Variants in MEF2B observed in about 807,000 individuals in gnomAD.
MEF2B encodes the protein myocyte enhancer factor 2B.
Under a neutral mutation model 32.2 loss-of-function variants are expected in MEF2B, and 15 were observed. The ratio of observed to expected loss-of-function variants is 0.47; its 90% CI spans 0.31 to 0.72. MEF2B has a LOEUF of 0.72. MEF2B is among the 30% of genes least tolerant of loss of function. MEF2B has a pLI of 0.05. For synonymous variants in MEF2B, 205 were observed against 225.6 expected (o/e 0.91, Z 0.82); for missense variants, 441 against 511.5 (o/e 0.86, Z 1.33).
rs965726289 is a variant in MEF2B, at chr19:19,150,907, C to T, written c.-29-143G>A. The T allele has an allele frequency of 1.5e-5, 15 of 974,126 alleles. 1 individual carries two copies. Among genetic ancestry groups the T allele is most frequent in the South Asian group, 6.3e-5 (4 of 63,382 alleles). 60.3% of individuals were successfully genotyped at this position (974,126 alleles called of 1,614,324 possible). ...AAATCAAGGCAGGCTGGGTCACTGT[C>T]GCAGACCCCGCCCCCGGCCAGCCTT... On this transcript the variant is annotated intron_variant, in intron 1 of 8. Coordinates refer to ENST00000424583, the MANE Select transcript of MEF2B (RefSeq NM_001145785.2).
intron 1 of MEF2B, among the ~76,000 whole-genome samples, chr19:19,163,843 A>AT (rs2060186001): frequency 6.6e-6 from 1 of 151,268 alleles, no homozygotes; most frequent in African/African-American, 2.4e-5. Context: ...TTGACATCTT[A>AT]TTTTTTGTAG....
chr19:19,146,147 C>T (rs963403115), intron 8 of MEF2B, 125 bp from the exon 9 acceptor site: 2 of 935,234 alleles, frequency 2.1e-6, no homozygotes, highest in East Asian at 6.1e-5. Context: ...GGCGGTCCCT[C>T]TTGGGGCCTC....
intron 1 of MEF2B, 128 bp downstream of exon 1, chr19:19,170,077 A>T: frequency 2.5e-6 from 1 of 397,210 alleles, no homozygotes; most frequent in Non-Finnish European, 4.4e-6. Flanking sequence ...ACCCCACGAC[A>T]CACACCCCTT....
At chr19:19,156,538 A>G (rs571906777) in intron 1 of MEF2B, among the ~76,000 whole-genome samples, 53 of 152,282 alleles carry the variant, frequency 3.5e-4, no homozygotes, top group African/African-American at 1.2e-3. Flanking sequence ...TAACTAAAAA[A>G]CATGTTTAAA....
chr19:19,150,266 A>T (rs751113469), intron 2 of MEF2B, among the ~76,000 whole-genome samples: 2 of 150,512 alleles, frequency 1.3e-5, no homozygotes, highest in Admixed American at 1.3e-4. Context: ...GCGGTGGCTC[A>T]CGCCTGTAAT....
chr19:19,168,822 G>A (rs2060230333), intron 1 of MEF2B, among the ~76,000 whole-genome samples: 1 of 151,976 alleles, frequency 6.6e-6, no homozygotes, highest in Non-Finnish European at 1.5e-5. Flanking sequence ...TAGCACTTTG[G>A]GAGGCTGAGG....
rs376823563 is a variant in MEF2B, at chr19:19,145,782, C to A, written c.*15G>T. 1.2e-5 allele frequency: 19 copies of A among 1,550,112 alleles called. No homozygotes were observed. The African/African-American group carries it at 2.5e-4, about 20-fold the overall frequency. On this transcript the variant is annotated 3_prime_UTR_variant, in exon 9 of 9. Transcript: ENST00000424583. This position sits in a 1 kb window ranked among gnomAD's most constrained non-coding sequence, Gnocchi z 4.6. ...ACCTGGCGAGCGCTCTGGGCTGGTG[C>A]CACCGGGTGATCTCCTACCGGGGCC...
At position 19,161,241 on chromosome 19, in the gene MEF2B, G is replaced by A. The variant is rs536030326; in HGVS notation, c.-30+8964C>T. Among the ~76,000 whole-genome samples the A allele has an allele frequency of 5.9e-5, 9 of 152,116 alleles. No homozygotes were observed. The Middle Eastern group carries it at 0.01, about 172-fold the overall frequency. On this transcript the variant is annotated intron_variant, in intron 1 of 8. Transcript: ENST00000424583. ...CCTGGGGGAACCCAGCTCAGATTGC[G>A]GGCCCCAAAAAGTCCCTGGTGGAGT...
chr19:19,169,015 G>A (rs1568557292), intron 1 of MEF2B, among the ~76,000 whole-genome samples: 1 of 152,052 alleles, frequency 6.6e-6, no homozygotes, highest in Non-Finnish European at 1.5e-5. Flanking sequence ...TTGAGCCACT[G>A]CGCTCCAGCC....
chr19:19,159,303 C>A (rs1264817425), intron 1 of MEF2B, among the ~76,000 whole-genome samples: 1 of 150,486 alleles, frequency 6.6e-6, no homozygotes, highest in African/African-American at 2.4e-5. Flanking sequence ...TGCCTGTAGT[C>A]CCAGCTACTT....
chr19:19,149,182 C>T (rs375827336), intron 3 of MEF2B, 44 bp downstream of exon 3: 46 of 1,603,798 alleles, frequency 2.9e-5, no homozygotes, highest in African/African-American at 6.7e-5. Flanking sequence ...GAGAAAGCAG[C>T]GTGCACGGGG....
At chr19:19,152,250 A>ACCC (rs1202037753) in intron 1 of MEF2B, among the ~76,000 whole-genome samples, 2 of 149,980 alleles carry the variant, frequency 1.3e-5, no homozygotes, top group African/African-American at 4.9e-5. Context: ...CATCCTACCC[A>ACCC]CCCCATCTCT....
At chr19:19,168,419 A>G (rs746029689) in intron 1 of MEF2B, among the ~76,000 whole-genome samples, 4 of 151,492 alleles carry the variant, frequency 2.6e-5, no homozygotes, top group African/African-American at 4.8e-5. Context: ...GATTACAAGC[A>G]TGTACCATCA....
chr19:19,159,636 T>C (rs568354834), intron 1 of MEF2B, among the ~76,000 whole-genome samples: 1 of 152,186 alleles, frequency 6.6e-6, no homozygotes, highest in South Asian at 2.1e-4. Flanking sequence ...GCCTGAGCGA[T>C]GTGGGGGTGA....
chr19:19,153,703 C>G (rs1003331503), intron 1 of MEF2B, among the ~76,000 whole-genome samples: 7 of 152,020 alleles, frequency 4.6e-5, no homozygotes, highest in African/African-American at 1.7e-4. Context: ...GTGATCTGCC[C>G]GCCTTGGCCT....
chr19:19,169,343 C>A (rs1377846140), intron 1 of MEF2B, among the ~76,000 whole-genome samples: 4 of 132,636 alleles, frequency 3.0e-5, no homozygotes, highest in Admixed American at 7.8e-5. Flanking sequence ...CAGGATGAGA[C>A]CCTGTCTCAA....
Position 19,146,754 on chromosome 19 carries a change from T to TC in MEF2B, c.662dup (p.Leu222ThrfsTer63). 1 of 1,613,836 alleles carries TC rather than the reference T, an allele frequency of 6.2e-7. No homozygotes were observed. The highest frequency in any genetic ancestry group is 8.5e-7 in the Non-Finnish European group (1 of 1,179,914). ...TCCCCTCACTCACGGAGGTGTTTAG[T>TC]CCCCCTCGGGGCCCAGCCAGGCCAC... On this transcript the variant is annotated frameshift_variant, in exon 6 of 9. Transcript: ENST00000424583. LOFTEE classifies it high-confidence loss of function.
chr19:19,145,961 G>C lies in MEF2B; in HGVS notation c.943C>G (p.Pro315Ala), dbSNP rs1436525519. 11 of 1,443,702 alleles carry C rather than the reference G, an allele frequency of 7.6e-6. No individual in the cohort carries two copies. The highest frequency in any genetic ancestry group is 2.3e-4 in the Middle Eastern group (1 of 4,262). The allele number at this position is 1,443,702 out of a possible 1,614,324, so 89.4% of individuals were successfully genotyped here. A position where few individuals can be genotyped will look rare whatever the true frequency, so the allele number is the denominator to read the frequency against. The change falls in exon 9 of 9, where the codon CCA becomes GCA. Residue 315 changes from proline to alanine, a missense_variant. This residue lies in a region of MEF2B where 326 missense variants were observed against 328.4 expected (regional missense o/e 0.99). Transcript: ENST00000424583. The surrounding 1 kb of genome is among the most constrained non-coding windows in gnomAD (Gnocchi z 4.6). Reference protein sequence around the residue: ...PTRGASPPTPPVSIKSERLSP... With the variant: ...PTRGASPPTPAVSIKSERLSP... ...AGGCGCTCAGACTTGATGCTGACTG[G>C]GGGGGTCGGCGGGGAGGCGCCGCGG... is the stretch of plus-strand genomic sequence containing the variant.
intron 1 of MEF2B, chr19:19,157,098 G>A (rs953095166): frequency 3.3e-5 from 8 of 245,032 alleles, no homozygotes; most frequent in Admixed American, 3.0e-4. Flanking sequence ...TACAGTGAGC[G>A]ATGATGATCT....
Sources: allele counts gnomAD v4.1 joint callset (sites outside exome capture counted in the v4.1 genomes callset), GRCh38; gene constraint gnomAD v4.1.1; regional missense constraint gnomAD v4.1.1; non-coding constraint Gnocchi (gnomAD v3.1); transcripts MANE v1.5; gene names NCBI Gene and HGNC (gene_info 2026-07-23, HGNC 2026-07-21).